The following PCDH15 variants were observed in gnomAD, a reference collection of about 807,000 sequenced individuals.
PCDH15 encodes protocadherin-15.
Under a neutral mutation model 178.5 loss-of-function variants are expected in PCDH15, and 129 were observed. The ratio of observed to expected loss-of-function variants is 0.72; its 90% CI spans 0.63 to 0.84. PCDH15 has a LOEUF of 0.84. Ranked by LOEUF, PCDH15 falls within the 40% of genes least tolerant of loss-of-function variation. PCDH15 has a pLI of 0.00. For missense variants in PCDH15, 2,230 were observed against 2,099.9 expected (o/e 1.06, Z -1.21); for synonymous variants, 800 against 732.0 (o/e 1.09, Z -1.50).
chr10:55,491,343 T>C (rs150828408), intron 2 of PCDH15, among the ~76,000 whole-genome samples: 116 of 151,858 alleles, frequency 7.6e-4, no homozygotes, highest in African/African-American at 2.6e-3. Flanking sequence ...TGGGTCTCAC[T>C]TCTCCCACCC....
chr10:54,120,778 G>A (rs746595689), intron 15 of PCDH15, among the ~76,000 whole-genome samples: 7 of 152,086 alleles, frequency 4.6e-5, no homozygotes, highest in Non-Finnish European at 8.8e-5. Context: ...CCACATTGTA[G>A]AGTCTAGATT....
chr10:55,414,768 GGGGT>G (rs1318670857), intron 2 of PCDH15, among the ~76,000 whole-genome samples: 10 of 94,278 alleles, frequency 1.1e-4, no homozygotes, highest in African/African-American at 4.8e-4. Context: ...TTTCTAACAA[GGGGT>G]GTGTGTGTGT....
intron 2 of PCDH15, among the ~76,000 whole-genome samples, chr10:55,545,808 A>T (rs1176864380): frequency 6.6e-6 from 1 of 151,186 alleles, no homozygotes; most frequent in Non-Finnish European, 1.5e-5. Context: ...TTTTAAAAAT[A>T]TTTTTTTTTC....
intron 8 of PCDH15, among the ~76,000 whole-genome samples, chr10:54,237,945 G>T (rs1387801735): frequency 2.0e-5 from 3 of 152,102 alleles, no homozygotes. Context: ...GGTACTATTT[G>T]CTCACTTTCA....
At chr10:54,105,581 G>T (rs2094903978) in intron 15 of PCDH15, among the ~76,000 whole-genome samples, 1 of 151,894 alleles carries the variant, frequency 6.6e-6, no homozygotes, top group African/African-American at 2.4e-5. Flanking sequence ...ACATTTTTCT[G>T]CCTGCTTTAT....
intron 1 of PCDH15, among the ~76,000 whole-genome samples, chr10:55,169,059 T>C (rs1839266492): frequency 6.6e-6 from 1 of 152,206 alleles, no homozygotes. Context: ...CTTGTTTTTC[T>C]AGATTGATAT....
At chr10:53,919,957 C>T (rs2083863570) in intron 25 of PCDH15, among the ~76,000 whole-genome samples, 1 of 152,062 alleles carries the variant, frequency 6.6e-6, no homozygotes, top group African/African-American at 2.4e-5. Flanking sequence ...TTCTAAACTG[C>T]ATCAGGAAAA....
chr10:55,399,690 A>G (rs1175955624), intron 2 of PCDH15, among the ~76,000 whole-genome samples: 1 of 152,160 alleles, frequency 6.6e-6, no homozygotes, highest in East Asian at 1.9e-4. Context: ...AAGGTCTGAT[A>G]TATGAGAGGG....
At chr10:54,764,550 C>G (rs1309147944) in intron 1 of PCDH15, among the ~76,000 whole-genome samples, 2 of 151,996 alleles carry the variant, frequency 1.3e-5, no homozygotes, top group Non-Finnish European at 2.9e-5. Flanking sequence ...TTGTGACAAC[C>G]CAGTTTACAG....
intron 2 of PCDH15, among the ~76,000 whole-genome samples, chr10:55,426,949 G>A (rs959494238): frequency 1.6e-4 from 25 of 152,168 alleles, no homozygotes; most frequent in Non-Finnish European, 3.5e-4. Context: ...TATGATGGCT[G>A]AGCTTGGGGT....
chr10:54,545,607 A>C (rs941747654), intron 2 of PCDH15, among the ~76,000 whole-genome samples: 5 of 152,084 alleles, frequency 3.3e-5, no homozygotes. Flanking sequence ...CAAAATGGAA[A>C]GCCAATATAC....
chr10:55,567,678 A>G (rs866857082), intron 2 of PCDH15, among the ~76,000 whole-genome samples: 2 of 152,012 alleles, frequency 1.3e-5, no homozygotes, highest in Admixed American at 1.3e-4. Context: ...GCAAATAAAC[A>G]CTTGAAAACA....
intron 27 of PCDH15, among the ~76,000 whole-genome samples, chr10:53,861,041 C>A (rs1181751933): frequency 1.3e-5 from 2 of 152,096 alleles, no homozygotes; most frequent in Non-Finnish European, 2.9e-5. Flanking sequence ...AGAACACACA[C>A]ATTTTGACTA....
intron 2 of PCDH15, among the ~76,000 whole-genome samples, chr10:54,650,431 G>C (rs1387568383): frequency 6.6e-6 from 1 of 152,044 alleles, no homozygotes; most frequent in Non-Finnish European, 1.5e-5. Flanking sequence ...GAGTACTTGT[G>C]AACATTAAAG....
rs563973470 is a variant in PCDH15 at position 55,585,865 on chromosome 10, A to C, written c.-156+41760T>G. Among the ~76,000 whole-genome samples the C allele has an allele frequency of 3.9e-4, 60 of 152,226 alleles. 1 individual carries two copies. The highest frequency in any genetic ancestry group is 1.3e-3 in the African/African-American group (56 of 41,538). On this transcript the variant is annotated intron_variant, in intron 2 of 5. Coordinates refer to the PCDH15 transcript ENST00000613346. ...CAACTCAGGATAATTTGCTTGTCAA[A>C]TTATACATAGAACTACTGTTCTGCC...
At chr10:55,441,510 G>C (rs1839184223) in intron 2 of PCDH15, among the ~76,000 whole-genome samples, 1 of 152,124 alleles carries the variant, frequency 6.6e-6, no homozygotes, top group Admixed American at 6.6e-5. Context: ...CATAAAAACT[G>C]ACTGACTGCA....
chr10:54,828,030 G>C (rs1250593600), intron 3 of PCDH15, among the ~76,000 whole-genome samples: 1 of 151,876 alleles, frequency 6.6e-6, no homozygotes, highest in African/African-American at 2.4e-5. Flanking sequence ...AGCTTATTTG[G>C]AAGGCTTTCT....
rs554117636 is a variant in PCDH15, at chr10:55,439,510, G to A, written c.-156+188115C>T. ...TGAGCAAAAAATTAATGTAGCTGAA[G>A]ACTTTAGATTAAAATAAAAGTTGGG... On this transcript the variant is annotated intron_variant, in intron 2 of 5. Transcript: ENST00000613346. Among the ~76,000 whole-genome samples the A allele has an allele frequency of 1.1e-3, 165 of 152,046 alleles. 1 individual carries two copies. The highest frequency in any genetic ancestry group is 3.8e-3 in the Admixed American group (58 of 15,270).
At chr10:54,111,498 A>G (rs534194451) in intron 15 of PCDH15, among the ~76,000 whole-genome samples, 2 of 152,278 alleles carry the variant, frequency 1.3e-5, no homozygotes, top group African/African-American at 4.8e-5. Context: ...GGGTCATACA[A>G]TGGGCTTTTG....
Sources: allele counts gnomAD v4.1 joint callset (sites outside exome capture counted in the v4.1 genomes callset), GRCh38; gene constraint gnomAD v4.1.1; transcripts MANE v1.5; gene names NCBI Gene and HGNC (gene_info 2026-07-23, HGNC 2026-07-21).